Variants in SCAF11 observed in about 807,000 individuals in gnomAD.
SCAF11 encodes SR-related CTD associated factor 11.
SCAF11 carries 47 observed loss-of-function variants against 140.5 expected under a neutral mutation model. That is an observed-to-expected ratio of 0.33 (90% CI 0.26 to 0.43). SCAF11 has a LOEUF of 0.43. SCAF11 is among the 20% of genes least tolerant of loss of function. The probability of loss-of-function intolerance (pLI) is 1.00; values close to 1 mark genes in which losing one functional copy is unlikely to be tolerated. For missense variants in SCAF11, 1,645 were observed against 1,705.1 expected (o/e 0.96, Z 0.62); for synonymous variants, 557 against 579.4 (o/e 0.96, Z 0.55).
At chr12:45,941,530 G>A (rs995524395) in intron 6 of SCAF11, among the ~76,000 whole-genome samples, 10 of 152,008 alleles carry the variant, frequency 6.6e-5, no homozygotes, top group African/African-American at 1.7e-4. Flanking sequence ...TTGCATAACT[G>A]AACCTCTGAA....
chr12:45,957,317 G>T (rs1365385099), intron 3 of SCAF11, among the ~76,000 whole-genome samples: 1 of 152,080 alleles, frequency 6.6e-6, no homozygotes, highest in Non-Finnish European at 1.5e-5. Flanking sequence ...AACCAGAATG[G>T]ACAAATTTCC....
chr12:45,921,569 T>C lies in SCAF11; in HGVS notation c.*479A>G, dbSNP rs908086512. 1 of 152,570 alleles carries C rather than the reference T, an allele frequency of 6.6e-6. No individual in the cohort carries two copies. Among genetic ancestry groups the C allele is most frequent in the African/African-American group, 2.4e-5 (1 of 41,466 alleles). The allele number at this position is 152,570 out of a possible 1,614,324, so 9.5% of individuals were successfully genotyped here. Reference sequence around the variant, plus strand: ...TAGGAACTTTGCAACTGATATGTTCTATTTAATATTAGAAACATTTTTCAT... The same window carrying C: ...TAGGAACTTTGCAACTGATATGTTCCATTTAATATTAGAAACATTTTTCAT... On this transcript the variant is annotated 3_prime_UTR_variant, in exon 15 of 15. Coordinates refer to ENST00000369367, the MANE Select transcript of SCAF11 (RefSeq NM_004719.3).
intron 1 of SCAF11, chr12:45,974,375 C>G: frequency 2.8e-6 from 1 of 359,456 alleles, no homozygotes; most frequent in South Asian, 2.1e-5. Flanking sequence ...GCCACACTGA[C>G]ACTCCTTTCA....
chr12:45,981,618 T>A lies in SCAF11; in HGVS notation c.-22+8735A>T, dbSNP rs367816025. 9.3e-4 allele frequency among the ~76,000 whole-genome samples: 142 copies of A among 152,254 alleles called. 6 individuals carry two copies. The South Asian group carries it at 0.028, about 30-fold the overall frequency. On this transcript the variant is annotated intron_variant, in intron 1 of 14. Transcript: ENST00000369367. ...CTAGTTACAGATTAACTCTAGACTG[T>A]TCACCTATCTCTAACAAAAATTTAA...
chr12:45,945,504 T>C (rs1018106595), intron 5 of SCAF11, among the ~76,000 whole-genome samples, 191 bp from the exon 6 acceptor site: 3 of 151,962 alleles, frequency 2.0e-5, no homozygotes, highest in Non-Finnish European at 4.4e-5. Flanking sequence ...TCAAGTTAGG[T>C]TTTAATATCT....
intron 8 of SCAF11, among the ~76,000 whole-genome samples, chr12:45,933,530 T>C (rs887201681): frequency 2.6e-5 from 4 of 152,250 alleles, no homozygotes; most frequent in East Asian, 1.9e-4. Flanking sequence ...ATCCTCATTA[T>C]TGAAAGGAAG....
At chr12:45,963,945 G>C (rs999389986) in intron 2 of SCAF11, among the ~76,000 whole-genome samples, 162 bp downstream of exon 2, 1 of 152,052 alleles carries the variant, frequency 6.6e-6, no homozygotes, top group Non-Finnish European at 1.5e-5. Context: ...TCGAAAATAA[G>C]ATATGGGAAG....
intron 3 of SCAF11, chr12:45,955,920 G>C (rs1466487305): frequency 1.8e-6 from 1 of 562,778 alleles, no homozygotes; most frequent in Non-Finnish European, 3.2e-6. Context: ...GTATTAAACA[G>C]AGCATATGTT....
chr12:45,962,048 C>T (rs758121681), intron 2 of SCAF11, among the ~76,000 whole-genome samples, 191 bp from the exon 3 acceptor site: 8 of 152,000 alleles, frequency 5.3e-5, no homozygotes, highest in Non-Finnish European at 8.8e-5. Context: ...ATTTTTTTAA[C>T]GGGGGACTGA....
At chr12:45,970,094 C>T (rs1012721574) in intron 1 of SCAF11, among the ~76,000 whole-genome samples, 12 of 152,222 alleles carry the variant, frequency 7.9e-5, no homozygotes, top group Non-Finnish European at 1.6e-4. Flanking sequence ...CGGGGTTTCA[C>T]CATCTTGGCC....
intron 3 of SCAF11, chr12:45,955,086 T>C (rs1945653051): frequency 2.0e-5 from 3 of 152,088 alleles, no homozygotes; most frequent in African/African-American, 7.2e-5. Flanking sequence ...TCACAATCTA[T>C]ATAAAATGTA....
At chr12:45,939,805 A>G (rs776779806) in intron 6 of SCAF11, among the ~76,000 whole-genome samples, 10 of 152,234 alleles carry the variant, frequency 6.6e-5, no homozygotes, top group Non-Finnish European at 1.0e-4. Flanking sequence ...AAAGAGACAG[A>G]CAACAGTTTC....
rs369428457 is a variant in SCAF11 at position 45,928,871 on chromosome 12, TA to T, written c.842-13del. 140,515 of 913,946 alleles carry T rather than the reference TA, an allele frequency of 0.15. 2 individuals carry two copies. The highest frequency in any genetic ancestry group is 0.17 in the East Asian group (3,748 of 22,632). The allele number at this position is 913,946 out of a possible 1,614,324, so 56.6% of individuals were successfully genotyped here. A position where few individuals can be genotyped will look rare whatever the true frequency, so the allele number is the denominator to read the frequency against. Reference sequence around the variant, plus strand: ...CTTGCAAGAAGTACCTAATAATATTTAAAAAAAAAAAAAAAGTAAAAAATAT... The same window carrying T: ...CTTGCAAGAAGTACCTAATAATATTTAAAAAAAAAAAAAAGTAAAAAATAT... On this transcript the variant is annotated splice_polypyrimidine_tract_variant and intron_variant, in intron 10 of 14. Coordinates refer to ENST00000369367, the MANE Select transcript of SCAF11 (RefSeq NM_004719.3).
intron 9 of SCAF11, among the ~76,000 whole-genome samples, chr12:45,932,388 A>G (rs928516649): frequency 2.6e-5 from 4 of 151,860 alleles, no homozygotes; most frequent in African/African-American, 7.3e-5. Flanking sequence ...GAAGCATGGG[A>G]AAAAAAATGT....
chr12:45,926,863 T>C lies in SCAF11; in HGVS notation c.2838A>G (p.Arg946=), dbSNP rs763215381. 1 of 1,614,146 alleles carries C rather than the reference T, an allele frequency of 6.2e-7. No homozygotes were observed. The highest frequency in any genetic ancestry group is 8.5e-7 in the Non-Finnish European group (1 of 1,180,036). ...RSHSRSPSRC[R]TKSKSSSFGR... is the part of the protein sequence containing the mutation. ...CAAATGATGAACTCTTACTTTTTGT[T>C]CTACATCTTGAGGGGGACCTAGAAT... Residue 946 remains arginine (R), a synonymous_variant, in exon 11 of 15, where the codon AGA becomes AGG. Transcript: ENST00000369367.
chr12:45,954,995 G>A (rs1945651217), intron 3 of SCAF11: 1 of 151,170 alleles, frequency 6.6e-6, no homozygotes, highest in Non-Finnish European at 1.5e-5. Flanking sequence ...TTTAAGAAAA[G>A]GCTCCACTGG....
chr12:45,928,081 A>C lies in SCAF11; in HGVS notation c.1620T>G (p.Asp540Glu). The C allele has an allele frequency of 6.2e-7, 1 of 1,613,984 alleles. No homozygotes were observed. The highest frequency in any genetic ancestry group is 1.1e-5 in the South Asian group (1 of 91,070). Residue 540 changes from aspartate (D) to glutamate (E), a missense_variant, in exon 11 of 15, where the codon GAT becomes GAG. By Grantham distance (45) the Asp-to-Glu change is conservative (BLOSUM62 2). Transcript: ENST00000369367. Reference sequence around the variant, plus strand: ...CATTTGGAAGATGAACTGTACATACATCTGTCTTTACCTCTGATTGTGAAA... The same window carrying C: ...CATTTGGAAGATGAACTGTACATACCTCTGTCTTTACCTCTGATTGTGAAA... Reference protein sequence around the residue: ...SGLSQSEVKTDVCTVHLPNDF... With the variant: ...SGLSQSEVKTEVCTVHLPNDF...
chr12:45,926,383 A>T lies in SCAF11; in HGVS notation c.3318T>A (p.Asn1106Lys). 1 of 1,614,214 alleles carries T rather than the reference A, an allele frequency of 6.2e-7. No individual in the cohort carries two copies. Among genetic ancestry groups the T allele is most frequent in the Non-Finnish European group, 8.5e-7 (1 of 1,180,030 alleles). ...RWQNRKPLSG[N>K]SNSSGSESFK... ...AAGATTCACTCCCTGAACTGTTTGA[A>T]TTCCCTGAGAGGGGTTTTCGATTTT... The change falls in exon 11 of 15, where the codon AAT (asparagine) becomes AAA (lysine). Residue 1106 changes from asparagine (N) to lysine (K), a missense_variant. By Grantham distance (94) the Asn-to-Lys change is moderately conservative (BLOSUM62 0). Coordinates refer to ENST00000369367, the MANE Select transcript of SCAF11 (RefSeq NM_004719.3).
intron 11 of SCAF11, among the ~76,000 whole-genome samples, chr12:45,925,536 A>G (rs1317523558): frequency 6.6e-6 from 1 of 152,168 alleles, no homozygotes; most frequent in Non-Finnish European, 1.5e-5. Flanking sequence ...GCAACAACAG[A>G]GAAACTCCAT....
Sources: allele counts gnomAD v4.1 joint callset (sites outside exome capture counted in the v4.1 genomes callset), GRCh38; gene constraint gnomAD v4.1.1; transcripts MANE v1.5; gene names NCBI Gene and HGNC (gene_info 2026-07-23, HGNC 2026-07-21).